The following ENOX1 variants were observed in gnomAD, a reference collection of about 807,000 sequenced individuals.
ENOX1 encodes the protein candidate growth-related and time keeping constitutive hydroquinone (NADH) oxidase.
A neutral mutation model predicts 82.5 loss-of-function variants in ENOX1; 42 were observed. The ratio of observed to expected loss-of-function variants is 0.51; its 90% confidence interval spans 0.40 to 0.66. The LOEUF (loss-of-function observed/expected upper bound fraction) is 0.66, where lower values mean the gene tolerates loss of function less well. ENOX1 is among the 30% of genes least tolerant of loss of function. The probability of loss-of-function intolerance (pLI) is 0.00; values close to 1 mark genes in which losing one functional copy is unlikely to be tolerated. For missense variants in ENOX1, 608 were observed against 811.6 expected (o/e 0.75, Z 3.05); for synonymous variants, 271 against 282.2 (o/e 0.96, Z 0.40).
intron 1 of ENOX1, among the ~76,000 whole-genome samples, chr13:43,693,920 TTAAAATA>T (rs1027854111): frequency 2.0e-5 from 3 of 152,194 alleles, no homozygotes; most frequent in Non-Finnish European, 4.4e-5. Flanking sequence ...GTCCATCATT[TTAAAATA>T]GGGTTTATCA....
intron 14 of ENOX1, among the ~76,000 whole-genome samples, chr13:43,240,489 A>G (rs2042766518): frequency 1.3e-5 from 2 of 152,164 alleles, no homozygotes; most frequent in African/African-American, 4.8e-5. Context: ...AGCCTACTGC[A>G]AAAATGTATC....
intron 3 of ENOX1, among the ~76,000 whole-genome samples, chr13:43,457,068 A>C (rs1449151005): frequency 1.3e-5 from 2 of 152,096 alleles, no homozygotes; most frequent in Non-Finnish European, 1.5e-5. Context: ...TTTGTTCTTT[A>C]CTAATTTTAA....
chr13:43,767,233 G>A (rs1343599806), intron 1 of ENOX1, among the ~76,000 whole-genome samples: 1 of 152,162 alleles, frequency 6.6e-6, no homozygotes, highest in Non-Finnish European at 1.5e-5. Flanking sequence ...AAAGAGACAG[G>A]AGCAAAAATT....
At chr13:43,320,225 G>A (rs2047726274) in intron 11 of ENOX1, among the ~76,000 whole-genome samples, 2 of 152,182 alleles carry the variant, frequency 1.3e-5, no homozygotes. Context: ...GAAACCACAT[G>A]CCACATTCTC....
Position 43,644,847 on chromosome 13 carries a change from T to C in ENOX1, c.-219+22632A>G, listed in dbSNP as rs184342470. Among the ~76,000 whole-genome samples, 522 of 152,320 alleles carry C rather than the reference T, an allele frequency of 3.4e-3. 3 individuals are homozygous for C. Among genetic ancestry groups the C allele is most frequent in the Non-Finnish European group, 5.9e-3 (400 of 68,026 alleles). On this transcript the variant is annotated intron_variant, in intron 2 of 16. Transcript: ENST00000690772. ...ACCCAGGCAGAACATGGATCCTTGC[T>C]CTTCCAACATTTACAGTACCTTTCA...
intron 11 of ENOX1, among the ~76,000 whole-genome samples, chr13:43,309,273 C>T (rs919674900): frequency 2.0e-5 from 3 of 152,100 alleles, no homozygotes; most frequent in African/African-American, 2.4e-5. Context: ...CCGCCTACCT[C>T]GGCCTCCCAA....
intron 2 of ENOX1, among the ~76,000 whole-genome samples, chr13:43,552,504 T>A (rs569150748): frequency 2.0e-5 from 3 of 152,240 alleles, no homozygotes; most frequent in Admixed American, 6.5e-5. Context: ...ATAATTTAGC[T>A]CTTCTGGCTA....
At position 43,499,413 on chromosome 13, in the gene ENOX1, T is replaced by C. The variant is rs951342099; in HGVS notation, c.-218-15261A>G. 5.3e-5 allele frequency among the ~76,000 whole-genome samples: 8 copies of C among 152,072 alleles called. No homozygotes were observed. In the South Asian group the frequency reaches 8.3e-4, roughly 16 times the overall value. The stretch of plus-strand genomic sequence containing the variant: ...CATCTTTGGTAACAGCTATAACCAC[T>C]ACTTCCAAAAAAGACACAGGTTGCC... On this transcript the variant is annotated intron_variant, in intron 2 of 16. Coordinates refer to ENST00000690772, the MANE Select transcript of ENOX1 (RefSeq NM_001347969.2).
intron 2 of ENOX1, among the ~76,000 whole-genome samples, chr13:43,541,400 C>T (rs1020600214): frequency 9.2e-5 from 14 of 151,912 alleles, no homozygotes; most frequent in African/African-American, 3.1e-4. Context: ...ACTCAGAAGA[C>T]TAAGGTGGGA....
intron 2 of ENOX1, among the ~76,000 whole-genome samples, chr13:43,490,972 A>G (rs1342045153): frequency 1.3e-5 from 2 of 152,172 alleles, no homozygotes; most frequent in Non-Finnish European, 2.9e-5. Flanking sequence ...CATTGTGTCA[A>G]TTCATTCTTA....
At chr13:43,247,841 A>G (rs1413590644) in intron 14 of ENOX1, among the ~76,000 whole-genome samples, 1 of 1,356 alleles carries the variant, frequency 7.4e-4, no homozygotes, top group Admixed American at 0.013. Context: ...ATATATATAT[A>G]TATATATATA....
chr13:43,677,345 G>A (rs2085558159), intron 1 of ENOX1, among the ~76,000 whole-genome samples: 2 of 152,126 alleles, frequency 1.3e-5, no homozygotes, highest in Non-Finnish European at 1.5e-5. Context: ...CCAAAAGGAA[G>A]CAATGGGTCA....
At chr13:43,711,855 T>C (rs299343) in intron 1 of ENOX1, among the ~76,000 whole-genome samples, 131,673 of 145,990 alleles carry the variant, frequency 0.9, 59,911 homozygotes, top group East Asian at 1. Flanking sequence ...TGAAAATTTT[T>C]TCCCATTTTG....
At chr13:43,369,789 T>C (rs1054111503) in intron 5 of ENOX1, among the ~76,000 whole-genome samples, 2 of 152,204 alleles carry the variant, frequency 1.3e-5, no homozygotes, top group Non-Finnish European at 2.9e-5. Flanking sequence ...GCAAATTTCT[T>C]CTTGCAGGAC....
intron 2 of ENOX1, among the ~76,000 whole-genome samples, chr13:43,494,158 G>T (rs1011736651): frequency 2.6e-5 from 4 of 151,966 alleles, no homozygotes; most frequent in Admixed American, 1.3e-4. Flanking sequence ...TGAGATTTTG[G>T]GTGGGGACAC....
chr13:43,326,933 C>T (rs893631640), intron 9 of ENOX1, among the ~76,000 whole-genome samples: 3 of 152,144 alleles, frequency 2.0e-5, no homozygotes, highest in Admixed American at 1.3e-4. Flanking sequence ...AGTGGCTGAA[C>T]GAGGAAGAGC....
At chr13:43,703,126 C>T (rs1041064892) in intron 1 of ENOX1, among the ~76,000 whole-genome samples, 1 of 152,074 alleles carries the variant, frequency 6.6e-6, no homozygotes, top group Non-Finnish European at 1.5e-5. Flanking sequence ...AAGCAATAAA[C>T]TTCTACTGTT....
At position 43,527,226 on chromosome 13, in the gene ENOX1, C is replaced by A. The variant is rs564201031; in HGVS notation, c.-218-43074G>T. On this transcript the variant is annotated intron_variant, in intron 2 of 16. Coordinates refer to ENST00000690772, the MANE Select transcript of ENOX1 (RefSeq NM_001347969.2). ...CACGCATAAGGGTGCCCAGCACAGA[C>A]CCTCACAAATATCAGACACTTAATA... is the stretch of plus-strand genomic sequence containing the variant. Among the ~76,000 whole-genome samples, 49 of 152,158 alleles carry A rather than the reference C, an allele frequency of 3.2e-4. 1 individual carries two copies. The East Asian group carries it at 5.6e-3, about 17-fold the overall frequency.
intron 2 of ENOX1, among the ~76,000 whole-genome samples, chr13:43,575,978 A>G (rs952038613): frequency 5.3e-5 from 8 of 152,258 alleles, no homozygotes; most frequent in African/African-American, 1.9e-4. Flanking sequence ...AAAAGAATGT[A>G]CATTCCATTG....
Sources: gnomAD v4.1 joint callset for allele counts (sites outside exome capture counted in the v4.1 genomes callset) on GRCh38, gnomAD v4.1.1 for gene constraint, MANE v1.5 for transcripts, NCBI Gene and HGNC (gene_info 2026-07-23, HGNC 2026-07-21) for gene names.